Variants in DLC1 observed in about 807,000 individuals in gnomAD.
DLC1 encodes the protein DLC1 Rho GTPase activating protein.
DLC1 carries 54 observed loss-of-function variants against 140.3 expected under a neutral mutation model. The ratio of observed to expected loss-of-function variants is 0.38; its 90% CI spans 0.31 to 0.48. DLC1 has a LOEUF of 0.48. DLC1 is among the 20% of genes least tolerant of loss of function. The probability of loss-of-function intolerance (pLI) is 0.96; values close to 1 mark genes in which losing one functional copy is unlikely to be tolerated. For synonymous variants in DLC1, 986 were observed against 728.1 expected, an observed-to-expected ratio of 1.35 and a Z score of -5.70; for missense variants, 2,536 against 1,907.0, an observed-to-expected ratio of 1.33 and a Z score of -6.14.
At chr8:13,523,672 T>C (rs1802827598) in intron 1 of DLC1, among the ~76,000 whole-genome samples, 1 of 152,090 alleles carries the variant, frequency 6.6e-6, no homozygotes, top group Non-Finnish European at 1.5e-5. Flanking sequence ...ACTCTTGATA[T>C]TGAAAGGAAC....
At chr8:13,567,387 G>T in intron 1 of DLC1, 1 of 1,551,652 alleles carries the variant, frequency 6.4e-7, no homozygotes, top group Non-Finnish European at 8.7e-7. Flanking sequence ...AGATAAATTT[G>T]ATTCATCGTA....
chr8:13,203,021 T>G (rs2117075867), intron 5 of DLC1, among the ~76,000 whole-genome samples: 1 of 152,308 alleles, frequency 6.6e-6, no homozygotes, highest in African/African-American at 2.4e-5. Flanking sequence ...GCTTGAGATT[T>G]CAGCTTTAGT....
chr8:13,528,228 A>T lies in DLC1; in HGVS notation c.-125-28032T>A, dbSNP rs372024241. On this transcript the variant is annotated intron_variant, in intron 1 of 1. Coordinates refer to the DLC1 transcript ENST00000631382. Reference sequence around the variant, plus strand: ...CTGAACATATTCACATTTCTACAATATTACTTCTACACCCTGGTCTTAATT... The same window carrying T: ...CTGAACATATTCACATTTCTACAATTTTACTTCTACACCCTGGTCTTAATT... Among the ~76,000 whole-genome samples the T allele has an allele frequency of 2.0e-4, 30 of 152,258 alleles. 1 individual carries two copies. The East Asian group carries it at 5.8e-3, about 29-fold the overall frequency.
In DLC1 at chr8:13,579,245, C is replaced by CATATACAT. The variant is rs1554546968; in HGVS notation, c.-126+25291_-126+25292insATGTATAT. Among the ~76,000 whole-genome samples the CATATACAT allele has an allele frequency of 1.9e-3, 35 of 18,896 alleles. 6 individuals carry two copies. Among genetic ancestry groups the CATATACAT allele is most frequent in the African/African-American group, 6.1e-3 (35 of 5,710 alleles). 12.4% of individuals were successfully genotyped at this position (18,896 alleles called of 152,430 possible). ...GGAGCTCTAATTGAGGAACAGGGAG[C>CATATACAT]ATATATATATATATATATATATATG... On this transcript the variant is annotated intron_variant, in intron 1 of 1. Transcript: ENST00000631382.
intron 5 of DLC1, among the ~76,000 whole-genome samples, chr8:13,250,852 G>A (rs781497545): frequency 1.3e-5 from 2 of 152,012 alleles, no homozygotes; most frequent in Non-Finnish European, 2.9e-5. Context: ...TTTCATAAGA[G>A]TGAGGATATT....
chr8:13,530,997 T>C (rs1180092098), intron 1 of DLC1, among the ~76,000 whole-genome samples: 2 of 152,144 alleles, frequency 1.3e-5, no homozygotes, highest in Admixed American at 6.5e-5. Context: ...TAGATTGAAA[T>C]GAGTTAGGAA....
intron 1 of DLC1, among the ~76,000 whole-genome samples, chr8:13,590,135 T>A (rs1398486996): frequency 6.6e-6 from 1 of 151,392 alleles, no homozygotes; most frequent in East Asian, 1.9e-4. Flanking sequence ...CCTATGCATA[T>A]ATTTTTCCAT....
rs187689726 is a variant in DLC1 at position 13,537,949 on chromosome 8, C to T, written c.-125-37753G>A. On this transcript the variant is annotated intron_variant, in intron 1 of 1. Transcript: ENST00000631382. ...GATTACAGGCGTGAGCCACCGCACC[C>T]GGCCAGCAACAGCTAACTCTTGAGA... Among the ~76,000 whole-genome samples, 26 of 152,194 alleles carry T rather than the reference C, an allele frequency of 1.7e-4. No homozygotes were observed. The East Asian group carries it at 3.7e-3, about 21-fold the overall frequency.
chr8:13,519,485 A>G (rs17094451), upstream of DLC1, among the ~76,000 whole-genome samples: 9,296 of 152,210 alleles, frequency 0.061, 857 homozygotes, highest in East Asian at 0.4. Flanking sequence ...AAGAAAAACC[A>G]TATAATTTGT....
rs1818891779 is a variant in DLC1, at chr8:13,099,981, T to A, written c.2356A>T (p.Thr786Ser). 1 of 1,612,614 alleles carries A rather than the reference T, an allele frequency of 6.2e-7. No individual in the cohort carries two copies. The highest frequency in any genetic ancestry group is 1.3e-5 in the African/African-American group (1 of 75,026). ...TTCTGCTCCACCACGTTGTTAAATG[T>A]TGACTGATTGAAAGGATCGAAGCCC... is the stretch of plus-strand genomic sequence containing the variant. ...LEGFDPFNQS[T>S]FNNVVEQNFK... is the part of the protein sequence containing the mutation. The change falls in exon 9 of 18, where the codon ACA becomes TCA. Residue 786 changes from threonine to serine, a missense_variant. Transcript: ENST00000276297.
At chr8:13,321,964 C>T (rs183514979) in intron 4 of DLC1, among the ~76,000 whole-genome samples, 8 of 152,234 alleles carry the variant, frequency 5.3e-5, no homozygotes, top group Non-Finnish European at 8.8e-5. Flanking sequence ...ATTCCATTAA[C>T]AAATGCTGCA....
intron 5 of DLC1, among the ~76,000 whole-genome samples, chr8:13,240,206 C>G (rs1168558010): frequency 6.6e-6 from 1 of 152,114 alleles, no homozygotes. Flanking sequence ...TGGACTTGCT[C>G]TTTTCCCGTA....
chr8:13,479,832 G>GAGAAAAAGAAAGAAAGAAAGA (rs1563383433), intron 2 of DLC1, among the ~76,000 whole-genome samples: 10 of 20,078 alleles, frequency 5.0e-4, no homozygotes, highest in Non-Finnish European at 1.4e-3. Flanking sequence ...AGAAGAAGAA[G>GAGAAAAAGAAAGAAAGAAAGA]AAGAAGAAGA....
intron 1 of DLC1, among the ~76,000 whole-genome samples, chr8:13,574,594 T>C (rs898807895): frequency 7.9e-5 from 12 of 152,082 alleles, no homozygotes; most frequent in Admixed American, 6.6e-4. Flanking sequence ...TATACAAATG[T>C]ATAATTTATA....
intron 1 of DLC1, among the ~76,000 whole-genome samples, chr8:13,588,736 C>G (rs950742179): frequency 3.3e-5 from 5 of 151,994 alleles, no homozygotes; most frequent in African/African-American, 1.2e-4. Context: ...GCTGTCTTCT[C>G]AAAGACTAAA....
At chr8:13,371,098 A>G (rs1266085875) in intron 4 of DLC1, among the ~76,000 whole-genome samples, 2 of 152,190 alleles carry the variant, frequency 1.3e-5, no homozygotes, top group Non-Finnish European at 2.9e-5. Flanking sequence ...GGTAAGCACC[A>G]TCATTTTCCT....
At chr8:13,450,975 G>A (rs1290513812) in intron 2 of DLC1, among the ~76,000 whole-genome samples, 1 of 134,708 alleles carries the variant, frequency 7.4e-6, no homozygotes, top group Non-Finnish European at 1.5e-5. Context: ...GGAGGCAGAG[G>A]TTGCAGTGAG....
intron 2 of DLC1, among the ~76,000 whole-genome samples, chr8:13,463,403 G>A (rs1799767105): frequency 6.6e-6 from 1 of 152,092 alleles, no homozygotes; most frequent in African/African-American, 2.4e-5. Context: ...TTAGGACATG[G>A]AGTACTTTCT....
At chr8:13,285,365 C>CT (rs1831501887) in intron 5 of DLC1, among the ~76,000 whole-genome samples, 1 of 152,102 alleles carries the variant, frequency 6.6e-6, no homozygotes. Flanking sequence ...AAACCTTGAG[C>CT]TTTACCTCAC....
Sources: allele counts gnomAD v4.1 joint callset (sites outside exome capture counted in the v4.1 genomes callset), GRCh38; gene constraint gnomAD v4.1.1; transcripts MANE v1.5; gene names NCBI Gene and HGNC (gene_info 2026-07-23, HGNC 2026-07-21).